LRRC30: variants seen among roughly 807,000 people sequenced by gnomAD.
LRRC30 encodes the protein leucine rich repeat containing 30.
In LRRC30, 10 loss-of-function variants were observed where a neutral mutation model predicts 14.8. The observed-to-expected ratio is 0.68, with a 90% CI of 0.42 to 1.15. The LOEUF (loss-of-function observed/expected upper bound fraction) is 1.15, where lower values mean the gene tolerates loss of function less well. Ranked by LOEUF, LRRC30 falls within the 50% of genes most tolerant of loss-of-function variation. The pLI, the probability that LRRC30 is intolerant of heterozygous loss-of-function variation, is 0.00. For missense variants in LRRC30, 403 were observed against 373.9 expected (o/e 1.08, Z -0.64); for synonymous variants, 202 against 175.7 (o/e 1.15, Z -1.18).
Position 7,231,636 on chromosome 18 carries a change from G to A in LRRC30, c.498G>A (p.Arg166=). ...PACFADLSRL[R]KLNLSNNFFA... ...GCTTCGCCGACCTCTCTAGACTGAG[G>A]AAGCTAAACCTCAGCAACAACTTCT... Residue 166 remains arginine, a synonymous_variant, in exon 1 of 1, where the codon AGG becomes AGA. Coordinates refer to ENST00000383467, the MANE Select transcript of LRRC30 (RefSeq NM_001105581.3). 1.9e-6 allele frequency: 3 copies of A among 1,614,146 alleles called. No homozygotes were observed. The highest frequency in any genetic ancestry group is 2.5e-6 in the Non-Finnish European group (3 of 1,180,034).
Position 7,231,690 on chromosome 18 carries a change from C to T in LRRC30, c.552C>T (p.Ser184=). 2 of 1,614,172 alleles carry T rather than the reference C, an allele frequency of 1.2e-6. No individual in the cohort carries two copies. The highest frequency in any genetic ancestry group is 1.7e-6 in the Non-Finnish European group (2 of 1,180,050). ...FFAHIPMCVF[S]LKELIFLHVG... The stretch of plus-strand genomic sequence containing the variant: ...CGCACATCCCCATGTGTGTGTTCTC[C>T]CTGAAGGAACTGATTTTCTTGCACG... The change falls in exon 1 of 1, where the codon TCC becomes TCT. Residue 184 remains serine, a synonymous_variant. Coordinates refer to ENST00000383467, the MANE Select transcript of LRRC30 (RefSeq NM_001105581.3).
chr18:7,231,967 T>C lies in LRRC30; in HGVS notation c.829T>C (p.Ser277Pro). The change falls in exon 1 of 1, where the codon TCC (serine) becomes CCC (proline). Residue 277 changes from serine (S) to proline (P), a missense_variant. Ser to Pro is a moderately conservative substitution (Grantham distance 74). Transcript: ENST00000383467. ...KGLHISHNPL[S>P]KPLPELVEGG... is the part of the protein sequence containing the mutation. ...GCTCCACATTTCCCACAACCCTTTA[T>C]CCAAGCCTCTGCCGGAGCTGGTGGA... 1 of 1,614,040 alleles carries C rather than the reference T, an allele frequency of 6.2e-7. No individual in the cohort carries two copies. The highest frequency in any genetic ancestry group is 8.5e-7 in the Non-Finnish European group (1 of 1,180,006).
chr18:7,231,795 C>T lies in LRRC30; in HGVS notation c.657C>T (p.Asn219=). ...ASLQIFIAEG[N]NIHSFPRSLC... ...TGCAGATCTTCATCGCAGAGGGCAA[C>T]AACATCCACTCCTTCCCGAGGTCGC... is the stretch of plus-strand genomic sequence containing the variant. Residue 219 remains asparagine (N), a synonymous_variant, in exon 1 of 1, where the codon AAC becomes AAT. Transcript: ENST00000383467. 6.2e-7 allele frequency: 1 copy of T among 1,614,162 alleles called. No homozygotes were observed. Among genetic ancestry groups the T allele is most frequent in the East Asian group, 2.2e-5 (1 of 44,868 alleles).
At position 7,231,168 on chromosome 18, in the gene LRRC30, C is replaced by G; in HGVS notation, c.30C>G (p.Ser10=). MGARQSRAS[S]KDKGPKRMLF... ...GGGCCAGGCAGTCAAGGGCCAGCTC[C>G]AAGGATAAGGGCCCCAAGAGGATGC... Residue 10 remains serine (S), a synonymous_variant, in exon 1 of 1, where the codon TCC becomes TCG. Transcript: ENST00000383467. The G allele has an allele frequency of 1.9e-6, 3 of 1,601,918 alleles. No homozygotes were observed. Among genetic ancestry groups the G allele is most frequent in the Non-Finnish European group, 2.6e-6 (3 of 1,171,776 alleles).
Position 7,231,376 on chromosome 18 carries a change from C to G in LRRC30, c.238C>G (p.His80Asp), listed in dbSNP as rs1347161193. 4 of 1,614,120 alleles carry G rather than the reference C, an allele frequency of 2.5e-6. No individual in the cohort carries two copies. The highest frequency in any genetic ancestry group is 1.3e-5 in the African/African-American group (1 of 74,936). ...LSEVQKLNLS[H>D]NQLRVLPPEV... is the part of the protein sequence containing the mutation. ...CGAGGTCCAGAAACTCAATCTGTCTCACAACCAGCTCCGGGTTCTCCCTCC... is the reference window on the plus strand; with the variant it reads ...CGAGGTCCAGAAACTCAATCTGTCTGACAACCAGCTCCGGGTTCTCCCTCC... Residue 80 changes from histidine to aspartate, a missense_variant, in exon 1 of 1, where the codon CAC becomes GAC. Transcript: ENST00000383467.
rs1296900803 is a variant in LRRC30, at chr18:7,231,476, T to G, written c.338T>G (p.Val113Gly). 1 of 1,613,834 alleles carries G rather than the reference T, an allele frequency of 6.2e-7. No homozygotes were observed. The highest frequency in any genetic ancestry group is 8.5e-7 in the Non-Finnish European group (1 of 1,180,032). Reference protein sequence around the residue: ...GNRLKSLPREVSLLQCLKVLF... With the variant: ...GNRLKSLPREGSLLQCLKVLF... ...CGCCTGAAGAGCCTGCCCAGAGAAG[T>G]GAGCCTCCTACAGTGCCTCAAGGTC... Residue 113 changes from valine to glycine, a missense_variant, in exon 1 of 1, where the codon GTG becomes GGG. Physicochemically the swap from Val to Gly is moderately radical, Grantham distance 109. Transcript: ENST00000383467.
At position 7,231,483 on chromosome 18, in the gene LRRC30, C is replaced by G; in HGVS notation, c.345C>G (p.Leu115=). The change falls in exon 1 of 1, where the codon CTC becomes CTG. Residue 115 remains leucine (L), a synonymous_variant. Coordinates refer to ENST00000383467, the MANE Select transcript of LRRC30 (RefSeq NM_001105581.3). ...AGAGCCTGCCCAGAGAAGTGAGCCT[C>G]CTACAGTGCCTCAAGGTCCTGTTTG... ...RLKSLPREVS[L]LQCLKVLFVN... 1 of 1,613,896 alleles carries G rather than the reference C, an allele frequency of 6.2e-7. No individual in the cohort carries two copies. Among genetic ancestry groups the G allele is most frequent in the Admixed American group, 1.7e-5 (1 of 60,028 alleles).
In LRRC30 at chr18:7,231,286, C is replaced by T. The variant is rs1040857945; in HGVS notation, c.148C>T (p.His50Tyr). 3 of 1,614,120 alleles carry T rather than the reference C, an allele frequency of 1.9e-6. No homozygotes were observed. The highest frequency in any genetic ancestry group is 2.7e-5 in the African/African-American group (2 of 74,944). ...GTCCCTGCTGAAGCGGGGCATGCACCACGTCAGCTTCAGCCTGGTCACGAG... is the reference window on the plus strand; with the variant it reads ...GTCCCTGCTGAAGCGGGGCATGCACTACGTCAGCTTCAGCCTGGTCACGAG... ...PRSLLKRGMH[H>Y]VSFSLVTRGM... is the part of the protein sequence containing the mutation. The change falls in exon 1 of 1, where the codon CAC (histidine) becomes TAC (tyrosine). Residue 50 changes from histidine (H) to tyrosine (Y), a missense_variant. Transcript: ENST00000383467.
In LRRC30 at chr18:7,231,762, G is replaced by T; in HGVS notation, c.624G>T (p.Leu208=). 1 of 1,614,110 alleles carries T rather than the reference G, an allele frequency of 6.2e-7. No homozygotes were observed. Among genetic ancestry groups the T allele is most frequent in the Non-Finnish European group, 8.5e-7 (1 of 1,180,036 alleles). The change falls in exon 1 of 1, where the codon CTG becomes CTT. Residue 208 remains leucine (L), a synonymous_variant. Coordinates refer to ENST00000383467, the MANE Select transcript of LRRC30 (RefSeq NM_001105581.3). ...ACATCGCTGAGAGCATCCAGCACCTGGCCAGCCTGCAGATCTTCATCGCAG... is the reference window on the plus strand; with the variant it reads ...ACATCGCTGAGAGCATCCAGCACCTTGCCAGCCTGCAGATCTTCATCGCAG... ...LENIAESIQH[L]ASLQIFIAEG...
rs775621185 is a variant in LRRC30 at position 7,231,988 on chromosome 18, G to A, written c.850G>A (p.Val284Met). The stretch of plus-strand genomic sequence containing the variant: ...TTTATCCAAGCCTCTGCCGGAGCTG[G>A]TGGAGGGGGGCCTGGAGATGCTCTT... ...NPLSKPLPEL[V>M]EGGLEMLFGY... The change falls in exon 1 of 1, where the codon GTG (valine) becomes ATG (methionine). Residue 284 changes from valine (V) to methionine (M), a missense_variant. Coordinates refer to ENST00000383467, the MANE Select transcript of LRRC30 (RefSeq NM_001105581.3). The A allele has an allele frequency of 1.1e-5, 18 of 1,613,954 alleles. No homozygotes were observed. Among genetic ancestry groups the A allele is most frequent in the Non-Finnish European group, 1.2e-5 (14 of 1,179,964 alleles).
At position 7,231,785 on chromosome 18, in the gene LRRC30, C is replaced by T; in HGVS notation, c.647C>T (p.Ala216Val). 6.2e-7 allele frequency: 1 copy of T among 1,614,166 alleles called. No homozygotes were observed. Among genetic ancestry groups the T allele is most frequent in the Non-Finnish European group, 8.5e-7 (1 of 1,180,038 alleles). The stretch of plus-strand genomic sequence containing the variant: ...CTGGCCAGCCTGCAGATCTTCATCG[C>T]AGAGGGCAACAACATCCACTCCTTC... Reference protein sequence around the residue: ...QHLASLQIFIAEGNNIHSFPR... With the variant: ...QHLASLQIFIVEGNNIHSFPR... Residue 216 changes from alanine (A) to valine (V), a missense_variant, in exon 1 of 1, where the codon GCA (alanine) becomes GTA (valine). By Grantham distance (64) the Ala-to-Val change is moderately conservative (BLOSUM62 0). Coordinates refer to ENST00000383467, the MANE Select transcript of LRRC30 (RefSeq NM_001105581.3).
rs1324673643 is a variant in LRRC30 at position 7,231,667 on chromosome 18, C to T, written c.529C>T (p.His177Tyr). 6.2e-7 allele frequency: 1 copy of T among 1,614,174 alleles called. No homozygotes were observed. The highest frequency in any genetic ancestry group is 2.2e-5 in the East Asian group (1 of 44,880). ...AAACCTCAGCAACAACTTCTTCGCG[C>T]ACATCCCCATGTGTGTGTTCTCCCT... ...KLNLSNNFFAHIPMCVFSLKE... is the reference protein window; with the variant it reads ...KLNLSNNFFAYIPMCVFSLKE... The change falls in exon 1 of 1, where the codon CAC (histidine) becomes TAC (tyrosine). Residue 177 changes from histidine to tyrosine, a missense_variant. Coordinates refer to ENST00000383467, the MANE Select transcript of LRRC30 (RefSeq NM_001105581.3).
In LRRC30 at chr18:7,231,595, T is replaced by C; in HGVS notation, c.457T>C (p.Ser153Pro). The C allele has an allele frequency of 6.2e-7, 1 of 1,614,040 alleles. No individual in the cohort carries two copies. The highest frequency in any genetic ancestry group is 8.5e-7 in the Non-Finnish European group (1 of 1,180,026). The change falls in exon 1 of 1, where the codon TCC becomes CCC. Residue 153 changes from serine (S) to proline (P), a missense_variant. Physicochemically the swap from Ser to Pro is moderately conservative, Grantham distance 74 (BLOSUM62 -1). Coordinates refer to ENST00000383467, the MANE Select transcript of LRRC30 (RefSeq NM_001105581.3). Reference protein sequence around the residue: ...EVLSLSHNCLSQLPACFADLS... With the variant: ...EVLSLSHNCLPQLPACFADLS... The stretch of plus-strand genomic sequence containing the variant: ...CCTGAGCTTGTCGCACAACTGCCTG[T>C]CCCAGCTCCCTGCATGCTTCGCCGA...
chr18:7,231,367 A>AAAG lies in LRRC30; in HGVS notation c.230_231insAGA (p.Asn77delinsLysAsp). ...GGGCTTGTCCGAGGTCCAGAAACTC[A>AAAG]ATCTGTCTCACAACCAGCTCCGGGT... On this transcript the variant is annotated protein_altering_variant, in exon 1 of 1. Coordinates refer to ENST00000383467, the MANE Select transcript of LRRC30 (RefSeq NM_001105581.3). 6 of 1,614,190 alleles carry AAAG rather than the reference A, an allele frequency of 3.7e-6. No individual in the cohort carries two copies. The highest frequency in any genetic ancestry group is 5.1e-6 in the Non-Finnish European group (6 of 1,180,036).
At position 7,231,379 on chromosome 18, in the gene LRRC30, A is replaced by C. The variant is rs1372251699; in HGVS notation, c.241A>C (p.Asn81His). The change falls in exon 1 of 1, where the codon AAC becomes CAC. Residue 81 changes from asparagine to histidine, a missense_variant. By Grantham distance (68) the Asn-to-His change is moderately conservative. Coordinates refer to ENST00000383467, the MANE Select transcript of LRRC30 (RefSeq NM_001105581.3). Reference protein sequence around the residue: ...SEVQKLNLSHNQLRVLPPEVG... With the variant: ...SEVQKLNLSHHQLRVLPPEVG... ...GGTCCAGAAACTCAATCTGTCTCACAACCAGCTCCGGGTTCTCCCTCCCGA... is the reference window on the plus strand; with the variant it reads ...GGTCCAGAAACTCAATCTGTCTCACCACCAGCTCCGGGTTCTCCCTCCCGA... 3 of 1,614,090 alleles carry C rather than the reference A, an allele frequency of 1.9e-6. No individual in the cohort carries two copies. Among genetic ancestry groups the C allele is most frequent in the Non-Finnish European group, 2.5e-6 (3 of 1,180,040 alleles).
Position 7,231,266 on chromosome 18 carries a change from T to C in LRRC30, c.128T>C (p.Leu43Pro), listed in dbSNP as rs766836716. 2 of 1,614,212 alleles carry C rather than the reference T, an allele frequency of 1.2e-6. No homozygotes were observed. The highest frequency in any genetic ancestry group is 1.1e-5 in the South Asian group (1 of 91,074). Residue 43 changes from leucine (L) to proline (P), a missense_variant, in exon 1 of 1, where the codon CTG (leucine) becomes CCG (proline). By Grantham distance (98) the Leu-to-Pro change is moderately conservative. Coordinates refer to ENST00000383467, the MANE Select transcript of LRRC30 (RefSeq NM_001105581.3). ...CTCTCGGGAAGGGACCCGCGGTCCC[T>C]GCTGAAGCGGGGCATGCACCACGTC... Reference protein sequence around the residue: ...ALLSGRDPRSLLKRGMHHVSF... With the variant: ...ALLSGRDPRSPLKRGMHHVSF...
rs1258504276 is a variant in LRRC30 at position 7,231,800 on chromosome 18, TCCACTCCTTC to T, written c.665_674del (p.His222ArgfsTer13). 9.9e-6 allele frequency: 16 copies of T among 1,613,842 alleles called. No homozygotes were observed. The highest frequency in any genetic ancestry group is 1.2e-5 in the Non-Finnish European group (14 of 1,180,002). ...ATCTTCATCGCAGAGGGCAACAACA[TCCACTCCTTC>T]CCGAGGTCGCTTTGCCTGGTCACCA... On this transcript the variant is annotated frameshift_variant, in exon 1 of 1. Transcript: ENST00000383467. LOFTEE classifies it high-confidence loss of function.
chr18:7,231,762 G>GAT lies in LRRC30; in HGVS notation c.624_625insAT (p.Ala209MetfsTer30), dbSNP rs2058621110. The GAT allele has an allele frequency of 6.2e-7, 1 of 1,614,110 alleles. No homozygotes were observed. The highest frequency in any genetic ancestry group is 8.5e-7 in the Non-Finnish European group (1 of 1,180,036). On this transcript the variant is annotated frameshift_variant, in exon 1 of 1. Coordinates refer to ENST00000383467, the MANE Select transcript of LRRC30 (RefSeq NM_001105581.3). LOFTEE classifies it high-confidence loss of function. ...ACATCGCTGAGAGCATCCAGCACCT[G>GAT]GCCAGCCTGCAGATCTTCATCGCAG...
rs200142671 is a variant in LRRC30, at chr18:7,231,188, G to A, written c.50G>A (p.Arg17Lys). The change falls in exon 1 of 1, where the codon AGG (arginine) becomes AAG (lysine). Residue 17 changes from arginine to lysine, a missense_variant. By Grantham distance (26) the Arg-to-Lys change is conservative. Transcript: ENST00000383467. ...RASSKDKGPK[R>K]MLFTGRRQKF... ...AGCTCCAAGGATAAGGGCCCCAAGA[G>A]GATGCTGTTCACGGGGAGGAGACAG... 1.3e-3 allele frequency: 2,130 copies of A among 1,610,806 alleles called. 1 individual carries two copies. Among genetic ancestry groups the A allele is most frequent in the Non-Finnish European group, 1.6e-3 (1,923 of 1,177,422 alleles).
Sources: gnomAD v4.1 joint callset for allele counts on GRCh38, gnomAD v4.1.1 for gene constraint, MANE v1.5 for transcripts, NCBI Gene and HGNC (gene_info 2026-07-23, HGNC 2026-07-21) for gene names.